Variants in SLC60A2 observed in about 807,000 individuals in gnomAD.
SLC60A2 encodes the protein solute carrier family 60 member 2.
At chr6:111,275,559 A>C in the SLC60A2 span, among the ~76,000 whole-genome samples, 1 of 151,696 alleles carries the variant, frequency 6.6e-6, no homozygotes, top group Admixed American at 6.6e-5. Context: ...ACAGGTGTGC[A>C]CCACCACGCC....
chr6:111,273,202 G>A, the SLC60A2 span, among the ~76,000 whole-genome samples: 5 of 152,204 alleles, frequency 3.3e-5, no homozygotes, highest in Admixed American at 3.3e-4. Context: ...TCAGGCTGGA[G>A]TGCAGTCGCC....
At chr6:111,266,693 A>G in the SLC60A2 span, 645 of 1,614,216 alleles carry the variant, frequency 4.0e-4, 3 homozygotes, top group African/African-American at 7.8e-3. Flanking sequence ...GAATTCTTCA[A>G]GGAAAATACC....
chr6:111,267,482 T>C, the SLC60A2 span: 1 of 169,876 alleles, frequency 5.9e-6, no homozygotes, highest in African/African-American at 2.4e-5. Flanking sequence ...GAACAAATTA[T>C]CAGGTATCAA....
chr6:111,278,134 A>C, the SLC60A2 span: 1 of 152,386 alleles, frequency 6.6e-6, no homozygotes, highest in East Asian at 1.9e-4. Context: ...GAGCAAGAGA[A>C]TGACTGGCTT....
chr6:111,266,530 GGAT>G, the SLC60A2 span: 1 of 1,614,172 alleles, frequency 6.2e-7, no homozygotes. Flanking sequence ...ATTTGTCTCT[GGAT>G]AGCAACTTCA....
the SLC60A2 span, chr6:111,267,158 C>T: frequency 1.9e-6 from 3 of 1,545,730 alleles, no homozygotes; most frequent in Non-Finnish European, 2.6e-6. Context: ...GAATAACTGC[C>T]ACTTCTAAGG....
chr6:111,279,438 C>T, the SLC60A2 span, among the ~76,000 whole-genome samples: 23 of 152,042 alleles, frequency 1.5e-4, no homozygotes, highest in African/African-American at 3.1e-4. Flanking sequence ...CTAGTAGAGA[C>T]GGGGTTTCAC....
chr6:111,266,872 A>G, the SLC60A2 span: 5 of 1,614,036 alleles, frequency 3.1e-6, no homozygotes, highest in Non-Finnish European at 4.2e-6. Flanking sequence ...CTAAATGAAT[A>G]TGAGGAAGAG....
the SLC60A2 span, among the ~76,000 whole-genome samples, chr6:111,262,090 A>G: frequency 1.3e-5 from 2 of 152,274 alleles, no homozygotes; most frequent in Admixed American, 6.5e-5. Flanking sequence ...CAAAAAAAAA[A>G]TAAGAGTTTT....
At chr6:111,267,124 G>C in the SLC60A2 span, 1 of 1,593,682 alleles carries the variant, frequency 6.3e-7, no homozygotes, top group Non-Finnish European at 8.6e-7. Context: ...GTTTAGAGAA[G>C]ATGGATTACT....
chr6:111,263,916 T>G, the SLC60A2 span: 3 of 1,606,868 alleles, frequency 1.9e-6, no homozygotes, highest in Admixed American at 3.3e-5. Context: ...GATGTCTATC[T>G]TCGGTGTTTC....
the SLC60A2 span, chr6:111,267,150 A>G: frequency 6.4e-7 from 1 of 1,559,926 alleles, no homozygotes; most frequent in Non-Finnish European, 8.7e-7. Context: ...ACATCTTTGA[A>G]TAACTGCCAC....
the SLC60A2 span, chr6:111,259,663 G>A: frequency 1.3e-6 from 2 of 1,579,880 alleles, no homozygotes; most frequent in East Asian, 4.9e-5. Flanking sequence ...TGGCAGAGCG[G>A]TGGGACCGGG....
chr6:111,273,430 G>A, the SLC60A2 span, among the ~76,000 whole-genome samples: 1 of 151,736 alleles, frequency 6.6e-6, no homozygotes, highest in South Asian at 2.1e-4. Flanking sequence ...CAGGTATGAG[G>A]TACTGTGTCC....
the SLC60A2 span, among the ~76,000 whole-genome samples, chr6:111,272,509 ATTTTTTTTTTT>A: frequency 8.7e-6 from 1 of 114,706 alleles, no homozygotes; most frequent in Non-Finnish European, 1.9e-5. Flanking sequence ...TTCTAACTGT[ATTTTTTTTTTT>A]TTTTTTTTGA....
chr6:111,268,821 C>G, the SLC60A2 span: 1 of 152,130 alleles, frequency 6.6e-6, no homozygotes, highest in Non-Finnish European at 1.5e-5. Flanking sequence ...TCTGAAATAC[C>G]TGGGAAACCA....
chr6:111,263,314 G>A, the SLC60A2 span, among the ~76,000 whole-genome samples: 4 of 152,148 alleles, frequency 2.6e-5, no homozygotes, highest in Non-Finnish European at 5.9e-5. Context: ...TGTTTTGGAA[G>A]CAAGAATAAT....
At chr6:111,260,254 AAG>A in the SLC60A2 span, among the ~76,000 whole-genome samples, 1 of 152,196 alleles carries the variant, frequency 6.6e-6, no homozygotes, top group Non-Finnish European at 1.5e-5. Context: ...GGAAGGTTGC[AAG>A]AGGGGTTCAC....
chr6:111,268,864 G>C, the SLC60A2 span: 1 of 152,232 alleles, frequency 6.6e-6, no homozygotes, highest in Admixed American at 6.5e-5. Context: ...TAGGAGTCAA[G>C]GATCAGAAAG....
Sources: allele counts gnomAD v4.1 joint callset (sites outside exome capture counted in the v4.1 genomes callset), GRCh38; gene constraint gnomAD v4.1.1; transcripts MANE v1.5; gene names NCBI Gene and HGNC (gene_info 2026-07-23, HGNC 2026-07-21).